The following ABI2 variants were observed in gnomAD, a reference collection of about 807,000 sequenced individuals.
The protein encoded by ABI2 is abl interactor 2, also known as abelson interactor 2.
A neutral mutation model predicts 59.2 loss-of-function variants in ABI2; 25 were observed. The ratio of observed to expected loss-of-function variants is 0.42; its 90% CI spans 0.31 to 0.59. ABI2 has a LOEUF of 0.59. Ranked by LOEUF, ABI2 falls within the 20% of genes least tolerant of loss-of-function variation. The probability of loss-of-function intolerance (pLI) is 0.14; values close to 1 mark genes in which losing one functional copy is unlikely to be tolerated. For missense variants in ABI2, 545 were observed against 681.8 expected (o/e 0.80, Z 2.23); for synonymous variants, 213 against 235.5 (o/e 0.90, Z 0.87).
intron 1 of ABI2, among the ~76,000 whole-genome samples, chr2:203,335,730 T>C (rs1383423598): frequency 6.6e-6 from 1 of 152,370 alleles, no homozygotes; most frequent in Admixed American, 6.5e-5. Flanking sequence ...TTAAGTAATA[T>C]ACTTTGTAGA....
chr2:203,351,683 G>A (rs191966547), intron 1 of ABI2: 123 of 356,524 alleles, frequency 3.4e-4, no homozygotes, highest in Non-Finnish European at 5.6e-4. Flanking sequence ...CTACAGGTGC[G>A]TGCTACTGTG....
At chr2:203,393,472 TC>T (rs1193555551) in intron 5 of ABI2, among the ~76,000 whole-genome samples, 1 of 152,246 alleles carries the variant, frequency 6.6e-6, no homozygotes, top group Non-Finnish European at 1.5e-5. Context: ...TGCTGGAACT[TC>T]CTTTTAGTAT....
At chr2:203,415,413 C>CT (rs1400849865) in intron 10 of ABI2, among the ~76,000 whole-genome samples, 2 of 151,922 alleles carry the variant, frequency 1.3e-5, no homozygotes, top group African/African-American at 2.4e-5. Context: ...GTCAAGAGAT[C>CT]TAGACGATCC....
At chr2:203,347,069 A>G (rs1014526610) in intron 1 of ABI2, among the ~76,000 whole-genome samples, 7 of 152,222 alleles carry the variant, frequency 4.6e-5, no homozygotes, top group Non-Finnish European at 8.8e-5. Context: ...AAACTAAGCT[A>G]TTAAATTATG....
At chr2:203,348,780 T>C (rs6435185) in intron 1 of ABI2, among the ~76,000 whole-genome samples, 140,645 of 152,154 alleles carry the variant, frequency 0.92, 65,271 homozygotes, top group Non-Finnish European at 0.96. Context: ...TATTAATATC[T>C]GTCTCCAGAG....
At chr2:203,356,533 T>C (rs1253458365) in intron 1 of ABI2, among the ~76,000 whole-genome samples, 1 of 152,086 alleles carries the variant, frequency 6.6e-6, no homozygotes, top group African/African-American at 2.4e-5. Context: ...CACGCCCGGC[T>C]AATTTTTTGT....
In ABI2 at chr2:203,427,864, A is replaced by G. The variant is rs1322674901; in HGVS notation, c.*512A>G. The G allele has an allele frequency of 6.6e-6, 1 of 152,646 alleles. No homozygotes were observed. Among genetic ancestry groups the G allele is most frequent in the Non-Finnish European group, 1.5e-5 (1 of 68,104 alleles). The allele number at this position is 152,646 out of a possible 1,614,324, so 9.5% of individuals were successfully genotyped here. On this transcript the variant is annotated 3_prime_UTR_variant, in exon 12 of 12. Transcript: ENST00000261018. ...ACCACACTTAACCATTTTTACAATT[A>G]TTTCAGATGGCTTTTTTCCTCTGTG...
chr2:203,430,710 TAA>T lies in ABI2; in HGVS notation c.*3361_*3362del, dbSNP rs1366488329. 6.6e-6 allele frequency: 1 copy of T among 152,230 alleles called. No homozygotes were observed. Among genetic ancestry groups the T allele is most frequent in the Non-Finnish European group, 1.5e-5 (1 of 68,046 alleles). 9.4% of individuals were successfully genotyped at this position (152,230 alleles called of 1,614,324 possible). ...TGGCCTGCTAATTTTGCTATGTTCC[TAA>T]AAGTTACTGGGTGTGAGACATTTTC... On this transcript the variant is annotated 3_prime_UTR_variant, in exon 12 of 12. Transcript: ENST00000261018.
chr2:203,424,890 TTG>T (rs1189582553), intron 11 of ABI2, among the ~76,000 whole-genome samples: 7 of 152,168 alleles, frequency 4.6e-5, no homozygotes, highest in Non-Finnish European at 1.0e-4. Context: ...TTGATTTGTT[TTG>T]AGACAGTCTC....
intron 4 of ABI2, among the ~76,000 whole-genome samples, chr2:203,388,808 A>G (rs1008878708): frequency 1.3e-5 from 2 of 152,198 alleles, no homozygotes; most frequent in Admixed American, 1.3e-4. Flanking sequence ...AATTTAAACA[A>G]AAACACCTTG....
intron 1 of ABI2, among the ~76,000 whole-genome samples, chr2:203,354,099 C>A (rs531890515): frequency 6.6e-6 from 1 of 152,098 alleles, no homozygotes; most frequent in Admixed American, 6.5e-5. Flanking sequence ...GGTTGGAGTG[C>A]GGTGGCGCAA....
chr2:203,385,139 C>CTTTTTTTTTTTTTTTTTTTCT (rs10527327), intron 4 of ABI2, among the ~76,000 whole-genome samples: 1 of 69,938 alleles, frequency 1.4e-5, no homozygotes, highest in African/African-American at 4.8e-5. Flanking sequence ...GGCTCAGATT[C>CTTTTTTTTTTTTTTTTTTTCT]TTTTTTTTTT....
At chr2:203,337,987 G>A (rs895538815) in intron 1 of ABI2, among the ~76,000 whole-genome samples, 2 of 152,212 alleles carry the variant, frequency 1.3e-5, no homozygotes, top group African/African-American at 2.4e-5. Flanking sequence ...CTGAGATCAT[G>A]CCACTGCACT....
intron 1 of ABI2, among the ~76,000 whole-genome samples, chr2:203,349,606 C>T (rs760735167): frequency 3.3e-5 from 5 of 151,454 alleles, no homozygotes; most frequent in Admixed American, 2.6e-4. Context: ...GGTTTCACCA[C>T]GTTGGTCAGG....
rs1254051099 is a variant in ABI2, at chr2:203,428,148, T to C, written c.*796T>C. The C allele has an allele frequency of 6.6e-6, 1 of 152,384 alleles. No individual in the cohort carries two copies. The highest frequency in any genetic ancestry group is 2.4e-5 in the African/African-American group (1 of 41,424). 9.4% of individuals were successfully genotyped at this position (152,384 alleles called of 1,614,324 possible). A position where few individuals can be genotyped will look rare whatever the true frequency, so the allele number is the denominator to read the frequency against. ...TGGTTCATATGTGGAGGTGGGTGTGTGAAGCTAGACACGAAGGTCCCTAAG... is the reference window on the plus strand; with the variant it reads ...TGGTTCATATGTGGAGGTGGGTGTGCGAAGCTAGACACGAAGGTCCCTAAG... On this transcript the variant is annotated 3_prime_UTR_variant, in exon 12 of 12. Transcript: ENST00000261018.
chr2:203,400,987 A>G (rs1426074733), intron 8 of ABI2, among the ~76,000 whole-genome samples: 1 of 152,200 alleles, frequency 6.6e-6, no homozygotes, highest in Non-Finnish European at 1.5e-5. Flanking sequence ...CATAAGTCTT[A>G]TCTCACTGTG....
At chr2:203,410,050 T>C (rs1443974899) in intron 9 of ABI2, among the ~76,000 whole-genome samples, 1 of 152,204 alleles carries the variant, frequency 6.6e-6, no homozygotes, top group Non-Finnish European at 1.5e-5. Context: ...TTATGCTGTT[T>C]TATGCCTCTG....
chr2:203,403,200 A>G (rs963743954), intron 9 of ABI2: 2 of 152,752 alleles, frequency 1.3e-5, no homozygotes, highest in African/African-American at 4.8e-5. Flanking sequence ...TGGAAAAACT[A>G]GGAATTGGGT....
rs1257459887 is a variant in ABI2 at position 203,402,659 on chromosome 2, C to T, written c.1117C>T (p.Arg373Cys). Reference sequence around the variant, plus strand: ...AATAGGGGGCTCGTTGCCCTATAGACGCCCTCCTTCCATTACTTCACAAAC... The same window carrying T: ...AATAGGGGGCTCGTTGCCCTATAGATGCCCTCCTTCCATTACTTCACAAAC... ...PTIGGSLPYR[R>C]PPSITSQTSL... Residue 373 changes from arginine to cysteine, a missense_variant, in exon 9 of 12, where the codon CGC (arginine) becomes TGC (cysteine). By Grantham distance (180) the Arg-to-Cys change is radical. Around this residue, in one of 4 missense-constraint regions of ABI2, gnomAD observed 410 missense variants for 435.6 expected, o/e 0.94. Coordinates refer to ENST00000261018, the MANE Select transcript of ABI2 (RefSeq NM_001375670.1). The T allele has an allele frequency of 1.9e-6, 3 of 1,606,524 alleles. No homozygotes were observed. The highest frequency in any genetic ancestry group is 1.7e-6 in the Non-Finnish European group (2 of 1,177,320).
Sources: gnomAD v4.1 joint callset for allele counts (sites outside exome capture counted in the v4.1 genomes callset) on GRCh38, gnomAD v4.1.1 for gene constraint, gnomAD v4.1.1 regional missense constraint, MANE v1.5 for transcripts, NCBI Gene and HGNC (gene_info 2026-07-23, HGNC 2026-07-21) for gene names.